The following ZNF341 variants were observed in gnomAD, a reference collection of about 807,000 sequenced individuals.
ZNF341 encodes zinc finger protein 341.
In ZNF341, 52 loss-of-function variants were observed where a neutral mutation model predicts 87.7. The observed-to-expected ratio is 0.59, with a 90% confidence interval of 0.47 to 0.75. The LOEUF is 0.75. ZNF341 is among the 30% of genes least tolerant of loss of function. The pLI is 0.00. For synonymous variants in ZNF341, 459 were observed against 472.7 expected (o/e 0.97, Z 0.38); for missense variants, 977 against 1,145.9 (o/e 0.85, Z 2.13).
chr20:33,746,343 C>G (rs907622343), intron 3 of ZNF341, among the ~76,000 whole-genome samples: 5 of 150,206 alleles, frequency 3.3e-5, no homozygotes, highest in African/African-American at 1.2e-4. Flanking sequence ...AAGTGATTCT[C>G]CTGCCTCAGC....
chr20:33,771,338 C>T (rs1446317934), intron 10 of ZNF341, among the ~76,000 whole-genome samples: 7 of 151,902 alleles, frequency 4.6e-5, no homozygotes, highest in Middle Eastern at 3.2e-3. Context: ...GCAGCCTCCC[C>T]GGGCTCAGGT....
intron 14 of ZNF341, 141 bp from the exon 15 acceptor site, chr20:33,790,847 G>A (rs2019996566): frequency 2.4e-5 from 24 of 1,012,882 alleles, no homozygotes; most frequent in Non-Finnish European, 3.4e-5. Context: ...CTGGAAGAAG[G>A]CAGACGACGA....
At chr20:33,778,149 T>C (rs955889819) in intron 10 of ZNF341, among the ~76,000 whole-genome samples, 1 of 152,166 alleles carries the variant, frequency 6.6e-6, no homozygotes, top group African/African-American at 2.4e-5. Context: ...GACACAAATC[T>C]ATGTCTCCCC....
chr20:33,735,104 C>A (rs551101429), intron 1 of ZNF341, among the ~76,000 whole-genome samples: 2 of 152,238 alleles, frequency 1.3e-5, no homozygotes, highest in East Asian at 3.9e-4. Flanking sequence ...GATCTTGGCT[C>A]ACTGCAACCT....
chr20:33,753,070 G>A, intron 4 of ZNF341, 102 bp from the exon 5 acceptor site: 1 of 1,536,394 alleles, frequency 6.5e-7, no homozygotes, highest in Non-Finnish European at 8.9e-7. Context: ...CTGGTAAGTA[G>A]CTGTTTTTCC....
At chr20:33,781,576 C>T (rs2019746165) in intron 11 of ZNF341, among the ~76,000 whole-genome samples, 189 bp downstream of exon 11, 1 of 152,178 alleles carries the variant, frequency 6.6e-6, no homozygotes, top group Admixed American at 6.5e-5. Flanking sequence ...CAGATGTGGC[C>T]ATGTCGGGGC....
In ZNF341 at chr20:33,791,391, T is replaced by C. The variant is rs1470337360; in HGVS notation, c.2439T>C (p.Thr813=). Residue 813 remains threonine, a synonymous_variant, in exon 15 of 15, where the codon ACT becomes ACC. Transcript: ENST00000375200. ...TGGGTGGTGCGGTGGGCGCGGAAAC[T>C]GAGCTGGTGGTACCTGGACACGCTG... The part of the protein sequence containing the change: ...IVVGGAVGAE[T]ELVVPGHAEG... 2.5e-6 allele frequency: 4 copies of C among 1,612,514 alleles called. No homozygotes were observed. The highest frequency in any genetic ancestry group is 3.4e-6 in the Non-Finnish European group (4 of 1,179,698).
chr20:33,752,797 G>A (rs1360234175), intron 4 of ZNF341, among the ~76,000 whole-genome samples: 1 of 151,608 alleles, frequency 6.6e-6, no homozygotes, highest in African/African-American at 2.4e-5. Flanking sequence ...GACTACAGGC[G>A]CCCGCCACCA....
intron 9 of ZNF341, among the ~76,000 whole-genome samples, chr20:33,768,212 TC>T (rs2122701037): frequency 6.6e-6 from 1 of 151,928 alleles, no homozygotes; most frequent in South Asian, 2.1e-4. Flanking sequence ...AACCTCCACC[TC>T]CCACGTTCAA....
intron 5 of ZNF341, among the ~76,000 whole-genome samples, chr20:33,756,207 A>G (rs1181457808): frequency 1.3e-5 from 2 of 152,020 alleles, no homozygotes; most frequent in Non-Finnish European, 2.9e-5. Context: ...TGGACAATAG[A>G]GCAAGAAAAA....
chr20:33,740,407 TG>T (rs1331663958), intron 1 of ZNF341, among the ~76,000 whole-genome samples: 1 of 152,166 alleles, frequency 6.6e-6, no homozygotes, highest in African/African-American at 2.4e-5. Context: ...AACCTTTATT[TG>T]GGGGCCATCT....
chr20:33,779,623 G>A (rs1176360323), intron 10 of ZNF341, among the ~76,000 whole-genome samples: 2 of 152,024 alleles, frequency 1.3e-5, no homozygotes, highest in Non-Finnish European at 2.9e-5. Context: ...GCTAATGTTT[G>A]TATTTTTAGT....
At chr20:33,759,966 C>A (rs1050219267) in intron 7 of ZNF341, among the ~76,000 whole-genome samples, 5 of 152,218 alleles carry the variant, frequency 3.3e-5, no homozygotes, top group Admixed American at 2.6e-4. Context: ...TGGCCTCTAA[C>A]TATTAGATGC....
At chr20:33,748,867 C>G in intron 3 of ZNF341, 56 bp from the exon 4 acceptor site, 10 of 1,523,984 alleles carry the variant, frequency 6.6e-6, no homozygotes, top group Non-Finnish European at 9.0e-6. Flanking sequence ...CACACATGAG[C>G]ACACACACAC....
intron 5 of ZNF341, 45 bp from the exon 6 acceptor site, chr20:33,757,103 C>G: frequency 7.3e-7 from 1 of 1,365,814 alleles, no homozygotes; most frequent in South Asian, 2.0e-5. Context: ...GGAGCTCTTC[C>G]CCTTCCCTGG....
intron 8 of ZNF341, among the ~76,000 whole-genome samples, chr20:33,764,543 G>GTATATATATATGTA (rs2019360770): frequency 1.4e-5 from 1 of 69,338 alleles, no homozygotes; most frequent in Non-Finnish European, 2.4e-5. Context: ...GTGTGTATGT[G>GTATATATATATGTA]TATATATATA....
intron 7 of ZNF341, 104 bp downstream of exon 7, chr20:33,758,910 C>A: frequency 2.0e-6 from 2 of 989,136 alleles, no homozygotes; most frequent in Non-Finnish European, 3.1e-6. Context: ...TGGGGTGACC[C>A]AGGCTGCACT....
At chr20:33,767,827 G>A (rs1024461994) in intron 9 of ZNF341, among the ~76,000 whole-genome samples, 10 of 152,164 alleles carry the variant, frequency 6.6e-5, no homozygotes, top group African/African-American at 2.4e-4. Context: ...TAAGTAGGCA[G>A]CGTTGGGCTT....
chr20:33,789,421 G>A, intron 13 of ZNF341, 97 bp from the exon 14 acceptor site: 1 of 1,286,890 alleles, frequency 7.8e-7, no homozygotes, highest in Non-Finnish European at 1.1e-6. Flanking sequence ...CCCTTAGGGT[G>A]GACAAGGCTG....
Sources: allele counts gnomAD v4.1 joint callset (sites outside exome capture counted in the v4.1 genomes callset), GRCh38; gene constraint gnomAD v4.1.1; transcripts MANE v1.5; gene names NCBI Gene and HGNC (gene_info 2026-07-23, HGNC 2026-07-21).